Variants in ACSL1 observed in about 807,000 individuals in gnomAD.
The protein encoded by ACSL1 is long-chain-fatty-acid--CoA ligase 1.
In ACSL1, 41 loss-of-function variants were observed where a neutral mutation model predicts 98.4. The observed-to-expected ratio is 0.42, with a 90% CI of 0.32 to 0.54. The LOEUF (loss-of-function observed/expected upper bound fraction) is 0.54. Among genes scored for constraint, ACSL1 ranks in the 20% least tolerant of loss-of-function variants. The probability of loss-of-function intolerance (pLI) is 0.13; values close to 1 mark genes in which losing one functional copy is unlikely to be tolerated. For synonymous variants in ACSL1, 316 were observed against 322.7 expected (o/e 0.98, Z 0.22); for missense variants, 734 against 883.1 (o/e 0.83, Z 2.14).
At chr4:184,813,207 C>T (rs141551829) in intron 1 of ACSL1, among the ~76,000 whole-genome samples, 7 of 152,202 alleles carry the variant, frequency 4.6e-5, no homozygotes, top group East Asian at 3.9e-4. Context: ...TAAATTTTGG[C>T]GGTACATATT....
Position 184,773,660 on chromosome 4 carries a change from C to CACCTGTAGTTCCACTTGTGAA in ACSL1, c.823_841+2dup, listed in dbSNP as rs1172585571. On this transcript the variant is annotated splice_region_variant and intron_variant, in intron 9 of 20. Transcript: ENST00000281455. The surrounding 1 kb of genome is among the most constrained non-coding windows in gnomAD (Gnocchi z 4.3). Reference sequence around the variant, plus strand: ...GTAGAAGCAATTCTATCTCAAAACTCACCTGTAGTTCCACTTGTGAAACAA... The same window carrying CACCTGTAGTTCCACTTGTGAA: ...GTAGAAGCAATTCTATCTCAAAACTCACCTGTAGTTCCACTTGTGAAACCTGTAGTTCCACTTGTGAAACAA... 1 of 1,611,350 alleles carries CACCTGTAGTTCCACTTGTGAA rather than the reference C, an allele frequency of 6.2e-7. No individual in the cohort carries two copies. Among genetic ancestry groups the CACCTGTAGTTCCACTTGTGAA allele is most frequent in the East Asian group, 2.2e-5 (1 of 44,838 alleles).
Position 184,770,211 on chromosome 4 carries a change from C to A in ACSL1, c.993+188G>T, listed in dbSNP as rs1289533923. 34 of 1,497,022 alleles carry A rather than the reference C, an allele frequency of 2.3e-5. 1 individual carries two copies. The highest frequency in any genetic ancestry group is 3.0e-5 in the Non-Finnish European group (33 of 1,112,544). The allele number at this position is 1,497,022 out of a possible 1,614,324, so 92.7% of individuals were successfully genotyped here. ...GCACCATTTCTAAAACGGGGCTGAGCAGAGAATTCTCTATAGGGATGACAG... is the reference window on the plus strand; with the variant it reads ...GCACCATTTCTAAAACGGGGCTGAGAAGAGAATTCTCTATAGGGATGACAG... On this transcript the variant is annotated intron_variant, in intron 11 of 20. Transcript: ENST00000281455.
At chr4:184,806,530 G>GCT in intron 1 of ACSL1, among the ~76,000 whole-genome samples, 1 of 152,262 alleles carries the variant, frequency 6.6e-6, no homozygotes, top group East Asian at 1.9e-4. Flanking sequence ...CTGTTCAACA[G>GCT]GATCACATCC....
At chr4:184,779,319 T>C (rs995597479) in intron 5 of ACSL1, among the ~76,000 whole-genome samples, 9 of 152,202 alleles carry the variant, frequency 5.9e-5, no homozygotes, top group African/African-American at 2.2e-4. Flanking sequence ...CTTTTGCTTC[T>C]TCCGCATTTT....
chr4:184,799,833 A>C (rs1770156601), intron 2 of ACSL1, among the ~76,000 whole-genome samples: 1 of 152,176 alleles, frequency 6.6e-6, no homozygotes. Flanking sequence ...TGGGCAACAG[A>C]GCGAGACCCT....
chr4:184,779,681 C>T (rs767186514), intron 5 of ACSL1, among the ~76,000 whole-genome samples: 1 of 152,138 alleles, frequency 6.6e-6, no homozygotes, highest in African/African-American at 2.4e-5. Flanking sequence ...ATCTGAGTCT[C>T]TCTATAACTT....
intron 2 of ACSL1, among the ~76,000 whole-genome samples, chr4:184,793,493 G>A (rs935394537): frequency 2.0e-5 from 3 of 152,194 alleles, no homozygotes; most frequent in African/African-American, 4.8e-5. Flanking sequence ...AAATGATGCC[G>A]TTGAGGATTT....
rs1225508259 is a variant in ACSL1 at position 184,760,381 on chromosome 4, C to T, written c.1758G>A (p.Val586=). 2 of 1,614,182 alleles carry T rather than the reference C, an allele frequency of 1.2e-6. No individual in the cohort carries two copies. Among genetic ancestry groups the T allele is most frequent in the Non-Finnish European group, 1.7e-6 (2 of 1,180,016 alleles). ...CCTGCAGGCTTTCTCCGTGGACAAACACCTGAGCAACAGGCTCACTTCGCA... is the reference window on the plus strand; with the variant it reads ...CCTGCAGGCTTTCTCCGTGGACAAATACCTGAGCAACAGGCTCACTTCGCA... The part of the protein sequence containing the change: ...IYMRSEPVAQ[V]FVHGESLQAF... The change falls in exon 18 of 21, where the codon GTG becomes GTA. Residue 586 remains valine, a synonymous_variant. Transcript: ENST00000281455.
intron 1 of ACSL1, chr4:184,813,822 G>A (rs1231599444): frequency 2.2e-6 from 1 of 456,080 alleles, no homozygotes; most frequent in South Asian, 1.5e-5. Flanking sequence ...GCCAGAGCTG[G>A]CCCCAAGCTA....
intron 3 of ACSL1, 75 bp from the exon 4 acceptor site, chr4:184,784,066 G>A (rs910802625): frequency 2.1e-5 from 25 of 1,199,442 alleles, no homozygotes; most frequent in South Asian, 3.7e-5. Flanking sequence ...TATCCCAACC[G>A]CACTCTAATA....
intron 1 of ACSL1, among the ~76,000 whole-genome samples, chr4:184,812,792 T>C (rs914570736): frequency 6.6e-6 from 1 of 152,048 alleles, no homozygotes; most frequent in Non-Finnish European, 1.5e-5. Flanking sequence ...ACAGCAAATA[T>C]CAGAAAGGCT....
intron 1 of ACSL1, among the ~76,000 whole-genome samples, chr4:184,819,579 G>T (rs1166883649): frequency 6.6e-6 from 1 of 152,076 alleles, no homozygotes; most frequent in East Asian, 1.9e-4. Context: ...GCAGATGACA[G>T]CACCCAGGTA....
At chr4:184,767,777 C>T (rs1394428529) in intron 12 of ACSL1, among the ~76,000 whole-genome samples, 3 of 152,232 alleles carry the variant, frequency 2.0e-5, no homozygotes, top group South Asian at 2.1e-4. Flanking sequence ...TCATGCCCCT[C>T]GCGCCTGGCC....
At position 184,757,048 on chromosome 4, in the gene ACSL1, A is replaced by C. The variant is rs1386695659; in HGVS notation, c.*77T>G. 5 of 1,469,180 alleles carry C rather than the reference A, an allele frequency of 3.4e-6. No individual in the cohort carries two copies. The highest frequency in any genetic ancestry group is 4.6e-6 in the Non-Finnish European group (5 of 1,094,792). The allele number at this position is 1,469,180 out of a possible 1,614,324, so 91.0% of individuals were successfully genotyped here. On this transcript the variant is annotated 3_prime_UTR_variant, in exon 21 of 21. Coordinates refer to ENST00000281455, the MANE Select transcript of ACSL1 (RefSeq NM_001995.5). The surrounding 1 kb of genome is among the most constrained non-coding windows in gnomAD (Gnocchi z 4.5). ...CCTTCCCTACACTTGCTGTATTCAAAATTAACAACATGAAGGCCATCAGCA... is the reference window on the plus strand; with the variant it reads ...CCTTCCCTACACTTGCTGTATTCAACATTAACAACATGAAGGCCATCAGCA...
At chr4:184,792,190 T>C (rs532101894) in intron 2 of ACSL1, among the ~76,000 whole-genome samples, 1 of 152,338 alleles carries the variant, frequency 6.6e-6, no homozygotes, top group African/African-American at 2.4e-5. Flanking sequence ...TATTTATTAT[T>C]ACCCTAATTA....
intron 1 of ACSL1, among the ~76,000 whole-genome samples, chr4:184,808,857 G>A (rs989264136): frequency 6.6e-6 from 1 of 152,212 alleles, no homozygotes; most frequent in Non-Finnish European, 1.5e-5. Flanking sequence ...GAGGAAAGCA[G>A]AGGTTGCTGT....
At chr4:184,821,088 T>A (rs1034445865) in intron 1 of ACSL1, 3 of 456,198 alleles carry the variant, frequency 6.6e-6, no homozygotes, top group Non-Finnish European at 1.3e-5. Flanking sequence ...CTGAAGGTAC[T>A]AATGAGTTAA....
chr4:184,768,250 A>T (rs1404114683), intron 12 of ACSL1, 66 bp downstream of exon 12: 2 of 1,537,364 alleles, frequency 1.3e-6, no homozygotes, highest in Non-Finnish European at 1.8e-6. Flanking sequence ...GCACAGCCCA[A>T]TTCAAGCCCA....
chr4:184,776,168 AGAAACT>A (rs1338453137), intron 7 of ACSL1, among the ~76,000 whole-genome samples: 1 of 152,268 alleles, frequency 6.6e-6, no homozygotes, highest in Non-Finnish European at 1.5e-5. Context: ...AAGGAGACAC[AGAAACT>A]GAAAGTTCCA....
Sources: allele counts gnomAD v4.1 joint callset (sites outside exome capture counted in the v4.1 genomes callset), GRCh38; gene constraint gnomAD v4.1.1; non-coding constraint Gnocchi (gnomAD v3.1); transcripts MANE v1.5; gene names NCBI Gene and HGNC (gene_info 2026-07-23, HGNC 2026-07-21).